The following DNAH12 variants were observed in gnomAD, a reference collection of about 807,000 sequenced individuals.
The protein encoded by DNAH12 is dynein axonemal heavy chain 12.
DNAH12 carries 285 observed loss-of-function variants against 371.5 expected under a neutral mutation model. The ratio of observed to expected loss-of-function variants is 0.77; its 90% CI spans 0.70 to 0.85. DNAH12 has a LOEUF of 0.85. Ranked by LOEUF, DNAH12 falls within the 40% of genes least tolerant of loss-of-function variation. The pLI is 0.00. For missense variants in DNAH12, 3,611 were observed against 3,689.4 expected, an observed-to-expected ratio of 0.98 and a Z score of 0.55; for synonymous variants, 1,200 against 1,213.0, an observed-to-expected ratio of 0.99 and a Z score of 0.22.
chr3:57,454,645 G>A (rs1349319115), intron 23 of DNAH12, 130 bp downstream of exon 23: 3 of 1,258,134 alleles, frequency 2.4e-6, no homozygotes, highest in African/African-American at 3.1e-5. Flanking sequence ...TGAAGTGGGA[G>A]GATTTCTTGA....
intron 25 of DNAH12, among the ~76,000 whole-genome samples, chr3:57,448,609 C>T (rs1023754338): frequency 2.6e-5 from 4 of 152,316 alleles, no homozygotes; most frequent in Admixed American, 1.3e-4. Flanking sequence ...GAATAGAACC[C>T]GACCATGTTG....
At chr3:57,416,511 G>A (rs946899693) in intron 37 of DNAH12, among the ~76,000 whole-genome samples, 2 of 152,068 alleles carry the variant, frequency 1.3e-5, no homozygotes, top group African/African-American at 4.8e-5. Context: ...GTCAAAGTCT[G>A]TCTCCTCAGA....
chr3:57,319,538 A>G (rs975364985), intron 65 of DNAH12, among the ~76,000 whole-genome samples: 1 of 151,870 alleles, frequency 6.6e-6, no homozygotes, highest in East Asian at 1.9e-4. Context: ...ATGTTGAGGT[A>G]ATTTTCTTCT....
At chr3:57,399,756 C>G (rs1367200831) in intron 43 of DNAH12, among the ~76,000 whole-genome samples, 2 of 152,172 alleles carry the variant, frequency 1.3e-5, no homozygotes, top group African/African-American at 4.8e-5. Flanking sequence ...GCCTACCCAA[C>G]ATGAAGATCG....
intron 55 of DNAH12, among the ~76,000 whole-genome samples, chr3:57,370,835 A>G (rs1437174164): frequency 6.6e-6 from 1 of 152,168 alleles, no homozygotes; most frequent in African/African-American, 2.4e-5. Context: ...TCAGTCTGAT[A>G]ACCTAGAGGC....
At chr3:57,414,128 G>A (rs923926074) in intron 38 of DNAH12, among the ~76,000 whole-genome samples, 7 of 148,192 alleles carry the variant, frequency 4.7e-5, no homozygotes, top group Non-Finnish European at 1.0e-4. Context: ...AGTTTCTGTA[G>A]GGAAATCATA....
At chr3:57,472,431 T>C in intron 14 of DNAH12, 115 bp downstream of exon 14, 1 of 1,324,148 alleles carries the variant, frequency 7.6e-7, no homozygotes, top group Non-Finnish European at 1.0e-6. Context: ...CTCAAACTCA[T>C]ATTGACACAC....
Position 57,314,542 on chromosome 3 carries a change from T to G in DNAH12, c.10614A>C (p.Pro3538=), listed in dbSNP as rs765530452. 1 of 1,551,324 alleles carries G rather than the reference T, an allele frequency of 6.4e-7. No individual in the cohort carries two copies. ...GCAAGTCAGATTCATTAAATCCATA[T>G]GGAATATTCCAACCAAGAGGACCAA... ...KKFGPLGWNI[P]YGFNESDLRI... Residue 3538 remains proline, a synonymous_variant, in exon 66 of 74, where the codon CCA becomes CCC. Transcript: ENST00000495027.
chr3:57,538,272 A>G (rs576679771), intron 2 of DNAH12, among the ~76,000 whole-genome samples: 1 of 69,566 alleles, frequency 1.4e-5, no homozygotes, highest in South Asian at 8.4e-4. Flanking sequence ...CAATAATTCA[A>G]AATGCATTTT....
chr3:57,491,428 C>G (rs978233984), intron 11 of DNAH12, among the ~76,000 whole-genome samples: 1 of 152,086 alleles, frequency 6.6e-6, no homozygotes, highest in Non-Finnish European at 1.5e-5. Flanking sequence ...GTTATAATTA[C>G]CTATCGGTCT....
chr3:57,358,651 G>C (rs2062852919), intron 58 of DNAH12, among the ~76,000 whole-genome samples: 1 of 152,082 alleles, frequency 6.6e-6, no homozygotes, highest in Admixed American at 6.6e-5. Flanking sequence ...TCGACAATGG[G>C]AATTAATGAC....
rs2107634939 is a variant in DNAH12, at chr3:57,293,907, A to G, written c.11757T>C (p.Arg3919=). The G allele has an allele frequency of 6.5e-7, 1 of 1,543,490 alleles. No homozygotes were observed. Among genetic ancestry groups the G allele is most frequent in the Admixed American group, 2.0e-5 (1 of 49,870 alleles). Residue 3919 remains arginine, a synonymous_variant, in exon 74 of 74, where the codon CGT becomes CGC. Coordinates refer to ENST00000495027, the MANE Select transcript of DNAH12 (RefSeq NM_001366028.2). The part of the protein sequence containing the change: ...YVCPLYKTSE[R]KGTLSTTGHS... The stretch of plus-strand genomic sequence containing the variant: ...GTCCCGTAGTGGAAAGAGTTCCTTT[A>G]CGTTCACTTGTCTTGTAGAGGGGAC...
intron 69 of DNAH12, among the ~76,000 whole-genome samples, chr3:57,307,864 GGC>G (rs1392985784): frequency 6.6e-6 from 1 of 152,098 alleles, no homozygotes; most frequent in African/African-American, 2.4e-5. Context: ...GTTTACTGAT[GGC>G]AGTTCCACCA....
rs1553680580 is a variant in DNAH12 at position 57,405,059 on chromosome 3, G to A, written c.6665C>T (p.Pro2222Leu). 5 of 1,546,302 alleles carry A rather than the reference G, an allele frequency of 3.2e-6. No homozygotes were observed. Among genetic ancestry groups the A allele is most frequent in the South Asian group, 1.2e-5 (1 of 82,856 alleles). The change falls in exon 42 of 74, where the codon CCA (proline) becomes CTA (leucine). Residue 2222 changes from proline to leucine, a missense_variant. Around this residue, in one of 3 missense-constraint regions of DNAH12, gnomAD observed 2,266 missense variants for 2,236.9 expected, o/e 1.01. Coordinates refer to ENST00000495027, the MANE Select transcript of DNAH12 (RefSeq NM_001366028.2). ...EGDDRVYIEI[P>L]NIHHFSDVVD... ...AACATCACTAAAATGATGAATATTTGGAATTTCAATATAAACTCTATCATC... is the reference window on the plus strand; with the variant it reads ...AACATCACTAAAATGATGAATATTTAGAATTTCAATATAAACTCTATCATC...
intron 69 of DNAH12, among the ~76,000 whole-genome samples, chr3:57,306,901 C>T (rs2061483651): frequency 6.6e-6 from 1 of 152,176 alleles, no homozygotes; most frequent in Non-Finnish European, 1.5e-5. Flanking sequence ...CAATACCTCC[C>T]TACACAACCC....
intron 60 of DNAH12, among the ~76,000 whole-genome samples, chr3:57,338,722 G>A (rs528564940): frequency 6.6e-6 from 1 of 150,934 alleles, no homozygotes; most frequent in South Asian, 2.1e-4. Flanking sequence ...TTGGGGGTGA[G>A]GAGCGCCTCT....
In DNAH12 at chr3:57,405,752, A is replaced by G; in HGVS notation, c.6477T>C (p.Asp2159=). ...VFYDRLINDD[D]RRWLFQLTKT... Reference sequence around the variant, plus strand: ...TAGTTAACTGGAACAGCCATCTTCGATCATCATCATTAATGAGGCGATCAT... The same window carrying G: ...TAGTTAACTGGAACAGCCATCTTCGGTCATCATCATTAATGAGGCGATCAT... The change falls in exon 41 of 74, where the codon GAT becomes GAC. Residue 2159 remains aspartate, a synonymous_variant. Coordinates refer to ENST00000495027, the MANE Select transcript of DNAH12 (RefSeq NM_001366028.2). 1 of 1,551,656 alleles carries G rather than the reference A, an allele frequency of 6.4e-7. No individual in the cohort carries two copies. Among genetic ancestry groups the G allele is most frequent in the East Asian group, 2.4e-5 (1 of 40,910 alleles).
chr3:57,542,727 C>T lies in DNAH12; in HGVS notation c.144G>A (p.Glu48=). The T allele has an allele frequency of 1.2e-6, 2 of 1,603,400 alleles. No individual in the cohort carries two copies. The highest frequency in any genetic ancestry group is 8.5e-7 in the Non-Finnish European group (1 of 1,175,444). ...CTAACTGATTAATTTTCTGCTGCTG[C>T]TCCTTGGATCTTCTGTATTTTAGCA... The part of the protein sequence containing the change: ...SKLLKYRRSK[E]QQQKINQLVI... Residue 48 remains glutamate (E), a synonymous_variant, in exon 2 of 74, where the codon GAG becomes GAA. Transcript: ENST00000495027.
intron 62 of DNAH12, among the ~76,000 whole-genome samples, chr3:57,326,384 A>C (rs1231101929): frequency 1.3e-5 from 2 of 152,260 alleles, no homozygotes; most frequent in Admixed American, 6.5e-5. Flanking sequence ...TACAAGCCAG[A>C]AGAGAGTGGG....
Sources: gnomAD v4.1 joint callset for allele counts (sites outside exome capture counted in the v4.1 genomes callset) on GRCh38, gnomAD v4.1.1 for gene constraint, gnomAD v4.1.1 regional missense constraint, MANE v1.5 for transcripts, NCBI Gene and HGNC (gene_info 2026-07-23, HGNC 2026-07-21) for gene names.